Variants in GRM7 observed in about 807,000 individuals in gnomAD.
GRM7 encodes the protein metabotropic glutamate receptor 7.
GRM7 carries 35 observed loss-of-function variants against 84.5 expected under a neutral mutation model. That is an observed-to-expected ratio of 0.41 (90% CI 0.32 to 0.55). GRM7 has a LOEUF of 0.55. GRM7 is among the 20% of genes least tolerant of loss of function. GRM7 has a pLI of 0.19. For missense variants in GRM7, 1,003 were observed against 1,194.6 expected (o/e 0.84, Z 2.36); for synonymous variants, 487 against 455.1 (o/e 1.07, Z -0.89).
chr3:7,163,418 T>C (rs1249000057), intron 2 of GRM7, among the ~76,000 whole-genome samples: 7 of 152,206 alleles, frequency 4.6e-5, no homozygotes, highest in African/African-American at 1.7e-4. Flanking sequence ...AGAAAACATG[T>C]GCACCACCCA....
At chr3:7,643,570 T>C (rs914591964) in intron 8 of GRM7, among the ~76,000 whole-genome samples, 15 of 152,236 alleles carry the variant, frequency 9.9e-5, no homozygotes, top group African/African-American at 3.6e-4. Context: ...GGTCAGAAGC[T>C]TTCCACTGGC....
intron 1 of GRM7, among the ~76,000 whole-genome samples, chr3:7,112,367 G>T (rs2125035603): frequency 6.6e-6 from 1 of 152,060 alleles, no homozygotes; most frequent in South Asian, 2.1e-4. Context: ...TGGGACTACA[G>T]GCATGTGCTA....
intron 1 of GRM7, among the ~76,000 whole-genome samples, chr3:7,084,769 A>C (rs752204934): frequency 6.6e-6 from 1 of 152,178 alleles, no homozygotes; most frequent in East Asian, 1.9e-4. Context: ...ATTGTTATTC[A>C]GGATTTCTTT....
At chr3:7,038,353 A>G (rs1436102919) in intron 1 of GRM7, among the ~76,000 whole-genome samples, 2 of 152,176 alleles carry the variant, frequency 1.3e-5, no homozygotes, top group Non-Finnish European at 2.9e-5. Flanking sequence ...CTCTACCCTG[A>G]AAATACTTGG....
intron 1 of GRM7, among the ~76,000 whole-genome samples, chr3:7,112,774 A>G (rs1230914266): frequency 6.6e-6 from 1 of 152,136 alleles, no homozygotes; most frequent in African/African-American, 2.4e-5. Flanking sequence ...GCTTCAGGAG[A>G]AATTTTCCTA....
intron 1 of GRM7, among the ~76,000 whole-genome samples, chr3:7,066,863 T>G (rs570701598): frequency 2.5e-4 from 38 of 152,058 alleles, no homozygotes; most frequent in African/African-American, 8.9e-4. Flanking sequence ...CAGGGATGAT[T>G]TAACATACGC....
intron 1 of GRM7, among the ~76,000 whole-genome samples, chr3:7,059,347 G>C (rs1434665903): frequency 6.6e-6 from 1 of 151,654 alleles, no homozygotes; most frequent in Non-Finnish European, 1.5e-5. Flanking sequence ...TTTATACACT[G>C]TCTCTCCTTC....
chr3:6,941,110 C>T (rs747189739), intron 1 of GRM7, among the ~76,000 whole-genome samples: 1 of 152,130 alleles, frequency 6.6e-6, no homozygotes, highest in Non-Finnish European at 1.5e-5. Flanking sequence ...GTCAATAGCT[C>T]CAGCATTCCA....
chr3:7,603,091 T>A (rs189984906), intron 8 of GRM7, among the ~76,000 whole-genome samples: 176 of 152,152 alleles, frequency 1.2e-3, no homozygotes, highest in African/African-American at 4.2e-3. Flanking sequence ...AAATAAATTC[T>A]GCCCAGTTAG....
intron 1 of GRM7, among the ~76,000 whole-genome samples, chr3:6,886,799 A>AATG (rs1695713007): frequency 6.6e-6 from 1 of 150,808 alleles, no homozygotes; most frequent in African/African-American, 2.4e-5. Flanking sequence ...TAATAATAAT[A>AATG]AACAGTTTAA....
intron 8 of GRM7, among the ~76,000 whole-genome samples, chr3:7,622,764 A>G (rs1697419951): frequency 6.6e-6 from 1 of 152,074 alleles, no homozygotes; most frequent in Non-Finnish European, 1.5e-5. Flanking sequence ...CAGCCAGTGA[A>G]GTTTAGAAGA....
At chr3:7,731,802 C>A (rs982727865) in intron 9 of GRM7, among the ~76,000 whole-genome samples, 31 of 152,096 alleles carry the variant, frequency 2.0e-4, no homozygotes, top group African/African-American at 7.5e-4. Context: ...ACTCATGGCT[C>A]CCCGTGGATC....
intron 2 of GRM7, among the ~76,000 whole-genome samples, chr3:7,256,561 C>G (rs552209242): frequency 1.3e-5 from 2 of 152,186 alleles, no homozygotes; most frequent in African/African-American, 4.8e-5. Flanking sequence ...GGAACCACTT[C>G]GAGGTAGTAA....
intron 4 of GRM7, among the ~76,000 whole-genome samples, chr3:7,366,364 A>G (rs908782433): frequency 2.6e-5 from 4 of 151,848 alleles, no homozygotes; most frequent in South Asian, 2.1e-4. Flanking sequence ...ATTTTTTGTC[A>G]TCGACACTTT....
chr3:7,707,427 C>T (rs329043), intron 9 of GRM7, among the ~76,000 whole-genome samples: 87,235 of 151,920 alleles, frequency 0.57, 25,434 homozygotes, highest in East Asian at 0.81. Context: ...GGCAGGATGA[C>T]TTCCTGTTTA....
At chr3:7,714,416 A>G (rs990123880) in intron 9 of GRM7, among the ~76,000 whole-genome samples, 1 of 152,236 alleles carries the variant, frequency 6.6e-6, no homozygotes, top group Non-Finnish European at 1.5e-5. Flanking sequence ...AGTGATAAAC[A>G]GAACTTGACA....
At chr3:7,101,984 CTG>C (rs1319948537) in intron 1 of GRM7, among the ~76,000 whole-genome samples, 4 of 151,120 alleles carry the variant, frequency 2.6e-5, no homozygotes, top group Non-Finnish European at 5.9e-5. Flanking sequence ...TAATTTATTC[CTG>C]TCCTTTGTGA....
intron 9 of GRM7, among the ~76,000 whole-genome samples, chr3:7,712,901 G>C (rs546792186): frequency 6.6e-6 from 1 of 152,110 alleles, no homozygotes; most frequent in East Asian, 1.9e-4. Flanking sequence ...TTGACTTGTA[G>C]CTCCATCATT....
chr3:7,653,180 C>CATTTTTTT (rs1440978783), intron 8 of GRM7, among the ~76,000 whole-genome samples: 1 of 89,520 alleles, frequency 1.1e-5, no homozygotes, highest in African/African-American at 5.5e-5. Context: ...ATACTATATC[C>CATTTTTTT]TTTTTTTTTT....
Sources: gnomAD v4.1 joint callset for allele counts (sites outside exome capture counted in the v4.1 genomes callset) on GRCh38, gnomAD v4.1.1 for gene constraint, MANE v1.5 for transcripts, NCBI Gene and HGNC (gene_info 2026-07-23, HGNC 2026-07-21) for gene names.